Variants in PCDH11Y observed in about 807,000 individuals in gnomAD.
PCDH11Y encodes the protein protocadherin-11 Y-linked.
For missense variants in PCDH11Y, 12 were observed against 224.8 expected, an observed-to-expected ratio of 0.05 and a Z score of 6.05; for synonymous variants, 9 against 83.6, an observed-to-expected ratio of 0.11 and a Z score of 4.87.
chrY:5,453,939 G>A, intron 2 of PCDH11Y, among the ~76,000 whole-genome samples: 1 of 30,127 alleles, frequency 3.3e-5, no homozygotes, highest in Non-Finnish European at 8.0e-5. Flanking sequence ...TTCCACTCTT[G>A]GCCCCCTCAA....
At chrY:5,522,021 CT>C (rs2053381725) in intron 3 of PCDH11Y, among the ~76,000 whole-genome samples, 2 of 31,673 alleles carry the variant, frequency 6.3e-5, no homozygotes. Flanking sequence ...CTACAGGTGC[CT>C]GCCACCATAC....
chrY:5,722,782 G>C, intron 4 of PCDH11Y, among the ~76,000 whole-genome samples: 1 of 32,957 alleles, frequency 3.0e-5, no homozygotes, highest in Non-Finnish European at 7.6e-5. Flanking sequence ...TTTATTGCTA[G>C]CATATCCATG....
At chrY:5,111,266 T>C in intron 2 of PCDH11Y, among the ~76,000 whole-genome samples, 2 of 32,639 alleles carry the variant, frequency 6.1e-5, no homozygotes. Context: ...CCCGGCTAAT[T>C]TTTGTATTTT....
intron 2 of PCDH11Y, among the ~76,000 whole-genome samples, chrY:5,189,187 A>G: frequency 2.9e-5 from 1 of 34,039 alleles, no homozygotes; most frequent in African/African-American, 1.1e-4. Context: ...TTCTTATTTG[A>G]AACCTTAGTT....
At chrY:5,580,446 C>T in intron 3 of PCDH11Y, among the ~76,000 whole-genome samples, 1 of 31,238 alleles carries the variant, frequency 3.2e-5, no homozygotes, top group Non-Finnish European at 7.9e-5. Flanking sequence ...TTAAATATTA[C>T]GAGTTGATTA....
upstream of PCDH11Y, among the ~76,000 whole-genome samples, chrY:5,052,754 C>A: frequency 3.6e-5 from 1 of 27,445 alleles, no homozygotes; most frequent in African/African-American, 1.4e-4. Flanking sequence ...TATCAATTTC[C>A]AAACTAACAT....
intron 3 of PCDH11Y, among the ~76,000 whole-genome samples, chrY:5,537,041 G>A (rs2053401077): frequency 3.1e-5 from 1 of 31,896 alleles, no homozygotes; most frequent in African/African-American, 1.2e-4. Flanking sequence ...TTGGCTATGC[G>A]GGCTCTTTTT....
chrY:5,077,298 G>A (rs2571984), intron 1 of PCDH11Y, among the ~76,000 whole-genome samples: 2 of 33,314 alleles, frequency 6.0e-5, no homozygotes, highest in East Asian at 7.9e-4. Context: ...TTGTTTATCA[G>A]TTCTAATAGT....
intron 1 of PCDH11Y, among the ~76,000 whole-genome samples, chrY:5,011,321 A>C: frequency 3.0e-5 from 1 of 33,850 alleles, no homozygotes; most frequent in Admixed American, 2.7e-4. Flanking sequence ...TTCGTCATAC[A>C]GTGTCAATGG....
chrY:5,306,731 A>T, intron 2 of PCDH11Y, among the ~76,000 whole-genome samples: 1 of 32,418 alleles, frequency 3.1e-5, no homozygotes, highest in Non-Finnish European at 7.6e-5. Context: ...TTATGCACTT[A>T]AGGAGTTGGG....
At chrY:5,085,553 T>A in intron 1 of PCDH11Y, among the ~76,000 whole-genome samples, 1 of 33,533 alleles carries the variant, frequency 3.0e-5, no homozygotes, top group Non-Finnish European at 7.4e-5. Flanking sequence ...TTTGAAGTAC[T>A]CCCTTTAGCA....
In PCDH11Y at chrY:5,565,193, C is replaced by T. The variant is rs2124695661; in HGVS notation, c.3329-16582C>T. ...AATACAGATTGACTTAGCGAGGAGC[C>T]ACAAACTTCTGGCATTCTAATTTGT... On this transcript the variant is annotated intron_variant, in intron 3 of 4. Coordinates refer to the PCDH11Y transcript ENST00000400457. Among the ~76,000 whole-genome samples the T allele has an allele frequency of 4.5e-4, 15 of 33,449 alleles. No homozygotes were observed. In the South Asian group the frequency reaches 5.8e-3, roughly 13 times the overall value. The allele number at this position is 33,449 out of a possible 37,273, so 89.7% of individuals were successfully genotyped here. A position where few individuals can be genotyped will look rare whatever the true frequency, so the allele number is the denominator to read the frequency against.
chrY:5,397,630 T>C (rs2124676673), intron 2 of PCDH11Y, among the ~76,000 whole-genome samples: 1 of 31,622 alleles, frequency 3.2e-5, no homozygotes, highest in South Asian at 7.2e-4. Flanking sequence ...TGTTTATTGA[T>C]TTTATCACCA....
upstream of PCDH11Y, among the ~76,000 whole-genome samples, chrY:5,051,749 G>C (rs2052652770): frequency 3.0e-5 from 1 of 33,366 alleles, no homozygotes; most frequent in African/African-American, 1.2e-4. Flanking sequence ...TGAAAAATTA[G>C]ACATGTACAA....
At chrY:5,299,534 G>A in intron 2 of PCDH11Y, among the ~76,000 whole-genome samples, 5 of 31,919 alleles carry the variant, frequency 1.6e-4, no homozygotes, top group Non-Finnish European at 7.6e-5. Flanking sequence ...ATCACATACA[G>A]AGAATTTACC....
At chrY:5,082,297 T>C (rs2052722183) in intron 1 of PCDH11Y, among the ~76,000 whole-genome samples, 1 of 33,619 alleles carries the variant, frequency 3.0e-5, no homozygotes, top group African/African-American at 1.2e-4. Flanking sequence ...ATTTTTGTAT[T>C]GATGTTCATT....
At chrY:5,625,636 G>C (rs1602953522) in intron 4 of PCDH11Y, among the ~76,000 whole-genome samples, 1 of 26,607 alleles carries the variant, frequency 3.8e-5, no homozygotes, top group Admixed American at 3.6e-4. Flanking sequence ...TAATATGAAG[G>C]GATGTTTAAT....
chrY:5,224,521 A>G, intron 2 of PCDH11Y, among the ~76,000 whole-genome samples: 1 of 31,598 alleles, frequency 3.2e-5, no homozygotes, highest in African/African-American at 1.3e-4. Flanking sequence ...TAGCTGGCAA[A>G]GTAACTCTAG....
At chrY:5,015,553 A>C in intron 1 of PCDH11Y, among the ~76,000 whole-genome samples, 1 of 33,513 alleles carries the variant, frequency 3.0e-5, no homozygotes, top group Non-Finnish European at 7.4e-5. Flanking sequence ...TTAGCAATAC[A>C]CTGAGGTAAA....
Sources: allele counts gnomAD v4.1 joint callset (sites outside exome capture counted in the v4.1 genomes callset), GRCh38; gene constraint gnomAD v4.1.1; transcripts MANE v1.5; gene names NCBI Gene and HGNC (gene_info 2026-07-23, HGNC 2026-07-21).